CACNB2: variants seen among roughly 807,000 people sequenced by gnomAD.
CACNB2 encodes the protein calcium voltage-gated channel auxiliary subunit beta 2, also known as voltage-dependent L-type calcium channel subunit beta-2.
Under a neutral mutation model 73.3 loss-of-function variants are expected in CACNB2, and 42 were observed. The observed-to-expected ratio is 0.57, with a 90% CI of 0.45 to 0.74. The LOEUF (loss-of-function observed/expected upper bound fraction) is 0.74. Among genes scored for constraint, CACNB2 ranks in the 30% least tolerant of loss-of-function variants. CACNB2 has a pLI of 0.00. For synonymous variants in CACNB2, 348 were observed against 310.3 expected (o/e 1.12, Z -1.28); for missense variants, 940 against 853.0 (o/e 1.10, Z -1.27).
At chr10:18,370,767 A>G (rs774901277) in intron 2 of CACNB2, among the ~76,000 whole-genome samples, 4 of 152,244 alleles carry the variant, frequency 2.6e-5, no homozygotes, top group Non-Finnish European at 4.4e-5. Flanking sequence ...TAATTTTTAA[A>G]GTACTCTTTA....
chr10:18,363,201 G>T (rs2042212539), intron 2 of CACNB2, among the ~76,000 whole-genome samples: 1 of 152,168 alleles, frequency 6.6e-6, no homozygotes, highest in Non-Finnish European at 1.5e-5. Flanking sequence ...AGCCCCTTGT[G>T]TTAAAATCTG....
chr10:18,433,037 T>G (rs11014208), intron 3 of CACNB2, among the ~76,000 whole-genome samples: 23,872 of 151,828 alleles, frequency 0.16, 2,193 homozygotes, highest in East Asian at 0.26. Flanking sequence ...TGTTTCTGTG[T>G]TTACATTTTT....
intron 2 of CACNB2, among the ~76,000 whole-genome samples, chr10:18,281,434 G>C (rs963326344): frequency 2.0e-5 from 3 of 152,188 alleles, no homozygotes; most frequent in African/African-American, 7.2e-5. Flanking sequence ...CGTCTAATTA[G>C]TAAGACAACT....
intron 3 of CACNB2, among the ~76,000 whole-genome samples, chr10:18,402,391 G>GAAAAA (rs57043162): frequency 8.3e-5 from 12 of 143,846 alleles, no homozygotes; most frequent in South Asian, 2.2e-4. Context: ...TCTCTGTTAA[G>GAAAAA]AAAAAAAAAA....
chr10:18,332,373 G>T (rs2040839669), intron 2 of CACNB2, among the ~76,000 whole-genome samples: 1 of 152,146 alleles, frequency 6.6e-6, no homozygotes, highest in South Asian at 2.1e-4. Flanking sequence ...TGTGGGTGCT[G>T]TTTGCTGTAG....
intron 2 of CACNB2, among the ~76,000 whole-genome samples, chr10:18,369,861 C>G (rs900881508): frequency 2.6e-5 from 4 of 152,148 alleles, no homozygotes; most frequent in Non-Finnish European, 2.9e-5. Flanking sequence ...GAGCCGAGAT[C>G]ATGCCATTGC....
intron 6 of CACNB2, among the ~76,000 whole-genome samples, chr10:18,512,929 C>G (rs2050903203): frequency 6.6e-6 from 1 of 152,124 alleles, no homozygotes. Flanking sequence ...CAGGCGTTGT[C>G]ACGGAGAAGA....
At chr10:18,233,371 C>T (rs1163823613) in intron 2 of CACNB2, among the ~76,000 whole-genome samples, 1 of 152,044 alleles carries the variant, frequency 6.6e-6, no homozygotes, top group East Asian at 1.9e-4. Context: ...GTGACCTTAA[C>T]TGGTAATTTT....
At chr10:18,301,735 G>A (rs971581472) in intron 2 of CACNB2, among the ~76,000 whole-genome samples, 4 of 150,282 alleles carry the variant, frequency 2.7e-5, no homozygotes, top group African/African-American at 9.8e-5. Flanking sequence ...TGCAACCTCC[G>A]CCTTCTGGGT....
Position 18,504,675 on chromosome 10 carries a change from C to T in CACNB2, c.594-1796C>T, listed in dbSNP as rs189056901. On this transcript the variant is annotated intron_variant, in intron 5 of 13. Transcript: ENST00000324631. ...TGTGCGTGTGTGTGAGACAGAGCCT[C>T]GCTCTGTCACCCAGGCTGGAGTGCA... Among the ~76,000 whole-genome samples the T allele has an allele frequency of 2.2e-4, 31 of 143,142 alleles. 1 individual carries two copies. In the South Asian group the frequency reaches 5.6e-3, roughly 26 times the overall value. 93.9% of individuals were successfully genotyped at this position (143,142 alleles called of 152,430 possible). A position where few individuals can be genotyped will look rare whatever the true frequency, so the allele number is the denominator to read the frequency against.
chr10:18,401,213 T>C (rs2043978675), intron 2 of CACNB2: 1 of 1,270,158 alleles, frequency 7.9e-7, no homozygotes. Context: ...GGATCATGAT[T>C]GCAGGAGAGG....
intron 2 of CACNB2, among the ~76,000 whole-genome samples, chr10:18,167,781 T>A (rs1268579833): frequency 6.6e-6 from 1 of 152,050 alleles, no homozygotes; most frequent in Non-Finnish European, 1.5e-5. Context: ...CACAAACAAA[T>A]CTATAGTTTA....
chr10:18,297,887 A>G lies in CACNB2; in HGVS notation c.214-104037A>G, dbSNP rs2039343490. 2.6e-5 allele frequency among the ~76,000 whole-genome samples: 4 copies of G among 152,208 alleles called. No individual in the cohort carries two copies. The South Asian group carries it at 8.3e-4, about 31-fold the overall frequency. On this transcript the variant is annotated intron_variant, in intron 2 of 13. Coordinates refer to ENST00000324631, the MANE Select transcript of CACNB2 (RefSeq NM_201596.3). ...AAATGTGCTTCCTCCTGGGTTGGGC[A>G]TCTAGCCCAGGTATTTCTGAGTCTG...
At chr10:18,444,323 G>A (rs1022317718) in intron 3 of CACNB2, among the ~76,000 whole-genome samples, 3 of 152,170 alleles carry the variant, frequency 2.0e-5, no homozygotes, top group Non-Finnish European at 4.4e-5. Flanking sequence ...CGAGTGCAAA[G>A]AGCCAGAACG....
chr10:18,179,044 A>G (rs1313055157), intron 2 of CACNB2, among the ~76,000 whole-genome samples: 1 of 152,214 alleles, frequency 6.6e-6, no homozygotes, highest in African/African-American at 2.4e-5. Flanking sequence ...TATTCACATA[A>G]ACAAATTAGA....
intron 2 of CACNB2, among the ~76,000 whole-genome samples, chr10:18,367,160 T>C (rs1289614699): frequency 6.6e-6 from 1 of 152,222 alleles, no homozygotes; most frequent in Non-Finnish European, 1.5e-5. Flanking sequence ...GTTTTTAAAC[T>C]TTCCACTAAA....
chr10:18,333,747 A>G (rs1392147684), intron 2 of CACNB2, among the ~76,000 whole-genome samples: 2 of 152,234 alleles, frequency 1.3e-5, no homozygotes, highest in African/African-American at 4.8e-5. Flanking sequence ...CTGTTGAGGC[A>G]TAAACTCTAA....
At chr10:18,167,850 T>C (rs1035511220) in intron 2 of CACNB2, among the ~76,000 whole-genome samples, 1 of 152,202 alleles carries the variant, frequency 6.6e-6, no homozygotes, top group Non-Finnish European at 1.5e-5. Flanking sequence ...ACGTGTCATA[T>C]ATTCAAGCAA....
At chr10:18,487,625 A>G (rs1425507540) in intron 3 of CACNB2, among the ~76,000 whole-genome samples, 1 of 152,098 alleles carries the variant, frequency 6.6e-6, no homozygotes, top group Non-Finnish European at 1.5e-5. Flanking sequence ...ATCTGAGGTC[A>G]GGAGTTAGAG....
Sources: allele counts gnomAD v4.1 joint callset (sites outside exome capture counted in the v4.1 genomes callset), GRCh38; gene constraint gnomAD v4.1.1; transcripts MANE v1.5; gene names NCBI Gene and HGNC (gene_info 2026-07-23, HGNC 2026-07-21).